EPHA6: variants seen among roughly 807,000 people sequenced by gnomAD.
EPHA6 encodes EPH receptor A6.
EPHA6 carries 50 observed loss-of-function variants against 112.0 expected under a neutral mutation model. The observed-to-expected ratio is 0.45, with a 90% CI of 0.36 to 0.56. The LOEUF (loss-of-function observed/expected upper bound fraction) is 0.56, where lower values mean the gene tolerates loss of function less well. Ranked by LOEUF, EPHA6 falls within the 20% of genes least tolerant of loss-of-function variation. The pLI is 0.00. For synonymous variants in EPHA6, 529 were observed against 490.7 expected, an observed-to-expected ratio of 1.08 and a Z score of -1.03; for missense variants, 1,280 against 1,417.4, an observed-to-expected ratio of 0.90 and a Z score of 1.56.
intron 14 of EPHA6, among the ~76,000 whole-genome samples, chr3:97,682,021 C>T (rs1300236011): frequency 3.3e-5 from 5 of 152,012 alleles, no homozygotes; most frequent in Non-Finnish European, 7.4e-5. Flanking sequence ...ATTTATATGC[C>T]AAGCTGAAAG....
intron 5 of EPHA6, among the ~76,000 whole-genome samples, chr3:97,353,211 G>A (rs757830183): frequency 4.0e-5 from 6 of 151,790 alleles, no homozygotes; most frequent in African/African-American, 9.7e-5. Context: ...GTGACCCAGC[G>A]CATTCCCAGT....
rs544090251 is a variant in EPHA6, at chr3:97,151,962, G to A, written c.1115-74302G>A. 2.6e-5 allele frequency among the ~76,000 whole-genome samples: 4 copies of A among 152,010 alleles called. No homozygotes were observed. In the South Asian group the frequency reaches 8.3e-4, roughly 32 times the overall value. On this transcript the variant is annotated intron_variant, in intron 3 of 17. Transcript: ENST00000389672. ...ATGGAATTTACTGAGTGCTTATTAT[G>A]TGTCATGCATTCTGCTTAATGGTTT... is the stretch of plus-strand genomic sequence containing the variant.
chr3:96,907,562 T>C (rs888814957), intron 2 of EPHA6, among the ~76,000 whole-genome samples: 2 of 151,838 alleles, frequency 1.3e-5, no homozygotes, highest in African/African-American at 4.8e-5. Flanking sequence ...GTATGCATCT[T>C]ATGTTTGCAT....
At chr3:97,255,364 C>T (rs922031242) in intron 5 of EPHA6, among the ~76,000 whole-genome samples, 1 of 152,086 alleles carries the variant, frequency 6.6e-6, no homozygotes, top group African/African-American at 2.4e-5. Context: ...CTCCAGGGAA[C>T]ATTCAGCAAA....
chr3:97,221,803 A>C (rs980499614), intron 3 of EPHA6, among the ~76,000 whole-genome samples: 3 of 152,088 alleles, frequency 2.0e-5, no homozygotes, highest in African/African-American at 7.2e-5. Context: ...AGGCCGACGC[A>C]GGTGGATCAC....
intron 11 of EPHA6, among the ~76,000 whole-genome samples, chr3:97,588,700 G>T (rs538382096): frequency 3.9e-5 from 6 of 152,228 alleles, no homozygotes; most frequent in Admixed American, 6.5e-5. Flanking sequence ...ATAATCATTT[G>T]CTACATTTAA....
At chr3:96,922,711 A>C (rs2039832257) in intron 2 of EPHA6, among the ~76,000 whole-genome samples, 1 of 152,036 alleles carries the variant, frequency 6.6e-6, no homozygotes, top group Non-Finnish European at 1.5e-5. Flanking sequence ...ACATAGATAA[A>C]CATGTGCCAT....
chr3:97,363,163 GC>G (rs1248386670), intron 5 of EPHA6, among the ~76,000 whole-genome samples: 4 of 85,044 alleles, frequency 4.7e-5, no homozygotes, highest in African/African-American at 1.9e-4. Flanking sequence ...ATGCCACATT[GC>G]CCCTGCAATA....
intron 14 of EPHA6, among the ~76,000 whole-genome samples, chr3:97,656,262 G>A (rs568068329): frequency 6.6e-6 from 1 of 151,806 alleles, no homozygotes; most frequent in Non-Finnish European, 1.5e-5. Context: ...CACTTCACTA[G>A]GCAACATTTA....
rs546268052 is a variant in EPHA6 at position 97,702,347 on chromosome 3, A to T, written c.2785-17914A>T. Among the ~76,000 whole-genome samples the T allele has an allele frequency of 3.3e-5, 5 of 152,324 alleles. No homozygotes were observed. The East Asian group carries it at 9.7e-4, about 29-fold the overall frequency. On this transcript the variant is annotated intron_variant, in intron 14 of 17. Transcript: ENST00000389672. ...ATTATATTACTTATTGAAAGTTCCC[A>T]TTTGACAAAATGAGAAAGTTTTATG...
At chr3:97,548,633 A>G (rs116682604) in intron 11 of EPHA6, among the ~76,000 whole-genome samples, 141 of 152,258 alleles carry the variant, frequency 9.3e-4, no homozygotes, top group African/African-American at 3.1e-3. Context: ...GAATTATGCA[A>G]TATGTAGCCT....
At chr3:97,715,474 GAT>G (rs1366019667) in intron 14 of EPHA6, among the ~76,000 whole-genome samples, 1 of 152,142 alleles carries the variant, frequency 6.6e-6, no homozygotes, top group African/African-American at 2.4e-5. Context: ...GTACTATAGA[GAT>G]AGATTGAGAA....
chr3:97,097,537 AT>A (rs1158808455), intron 3 of EPHA6, among the ~76,000 whole-genome samples: 1 of 151,772 alleles, frequency 6.6e-6, no homozygotes. Flanking sequence ...TGAAGATAAA[AT>A]CACATTGGTT....
chr3:96,872,658 C>G (rs1347253178), intron 2 of EPHA6, among the ~76,000 whole-genome samples: 1 of 152,012 alleles, frequency 6.6e-6, no homozygotes, highest in Non-Finnish European at 1.5e-5. Flanking sequence ...TTTCACTCCA[C>G]TGTTATTGCT....
intron 3 of EPHA6, among the ~76,000 whole-genome samples, chr3:97,098,059 AC>A (rs1355696687): frequency 1.3e-5 from 2 of 152,012 alleles, no homozygotes; most frequent in Admixed American, 1.3e-4. Context: ...AATATTTACA[AC>A]ATACCAAGCA....
intron 5 of EPHA6, among the ~76,000 whole-genome samples, chr3:97,334,077 C>T (rs945324574): frequency 1.6e-4 from 24 of 151,718 alleles, no homozygotes; most frequent in Admixed American, 9.2e-4. Flanking sequence ...TTTATTTTTT[C>T]GCTTGTTGAT....
chr3:97,076,064 T>C (rs772605526), intron 3 of EPHA6, among the ~76,000 whole-genome samples: 5 of 152,062 alleles, frequency 3.3e-5, no homozygotes, highest in Non-Finnish European at 7.4e-5. Context: ...TACCCTACAG[T>C]GGCCTTTAAG....
intron 3 of EPHA6, among the ~76,000 whole-genome samples, chr3:97,075,042 T>C (rs75580237): frequency 0.017 from 2,650 of 152,056 alleles, 80 homozygotes; most frequent in African/African-American, 0.059. Context: ...AAAAATTGAT[T>C]TTCTGGTACT....
At chr3:97,346,910 T>C (rs1414559389) in intron 5 of EPHA6, among the ~76,000 whole-genome samples, 1 of 152,070 alleles carries the variant, frequency 6.6e-6, no homozygotes, top group African/African-American at 2.4e-5. Context: ...TGTGCCTTTA[T>C]AAAATGCCTG....
Sources: gnomAD v4.1 joint callset for allele counts (sites outside exome capture counted in the v4.1 genomes callset) on GRCh38, gnomAD v4.1.1 for gene constraint, MANE v1.5 for transcripts, NCBI Gene and HGNC (gene_info 2026-07-23, HGNC 2026-07-21) for gene names.